The following CUL4A variants were observed in gnomAD, a reference collection of about 807,000 sequenced individuals.
The protein encoded by CUL4A is cullin 4A, also known as cullin-4A.
In CUL4A, 16 loss-of-function variants were observed where a neutral mutation model predicts 95.5. That is an observed-to-expected ratio of 0.17 (90% CI 0.11 to 0.25). The LOEUF is 0.25. CUL4A is among the 10% of genes least tolerant of loss of function. The pLI, the probability that CUL4A is intolerant of heterozygous loss-of-function variation, is 1.00. For synonymous variants in CUL4A, 380 were observed against 353.1 expected, an observed-to-expected ratio of 1.08 and a Z score of -0.85; for missense variants, 610 against 937.0, an observed-to-expected ratio of 0.65 and a Z score of 4.56.
At chr13:113,220,687 C>T (rs1489520397) in intron 3 of CUL4A, among the ~76,000 whole-genome samples, 1 of 152,184 alleles carries the variant, frequency 6.6e-6, no homozygotes, top group Non-Finnish European at 1.5e-5. Context: ...TATCTGATTA[C>T]CTGATCAAAT....
At chr13:113,233,770 TG>T (rs930711323) in intron 6 of CUL4A, 126 bp from the exon 7 acceptor site, 9 of 688,162 alleles carry the variant, frequency 1.3e-5, no homozygotes, top group Non-Finnish European at 2.3e-5. Context: ...GCCGGCCGGC[TG>T]GGTGGCCACA....
chr13:113,208,355 C>A, upstream of CUL4A: 1 of 1,432,918 alleles, frequency 7.0e-7, no homozygotes, highest in South Asian at 1.5e-5. Context: ...ACTTACACCG[C>A]GACGACTCCG....
At chr13:113,226,745 C>T (rs2041118188) in intron 3 of CUL4A, among the ~76,000 whole-genome samples, 1 of 152,224 alleles carries the variant, frequency 6.6e-6, no homozygotes, top group Admixed American at 6.5e-5. Context: ...TTGCCACAGG[C>T]TGGGCACACT....
chr13:113,208,489 A>G, upstream of CUL4A: 3 of 1,541,804 alleles, frequency 1.9e-6, no homozygotes, highest in African/African-American at 2.8e-5. Flanking sequence ...GAACGGAAGA[A>G]GGGTGGCGAG....
At chr13:113,221,503 G>A (rs540858116) in intron 3 of CUL4A, among the ~76,000 whole-genome samples, 131 of 152,296 alleles carry the variant, frequency 8.6e-4, no homozygotes, top group African/African-American at 2.9e-3. Context: ...CCCGAATGGC[G>A]GTGGCAAAAG....
rs2042372023 is a variant in CUL4A, at chr13:113,264,900, TTA to T, written c.*1320_*1321del. ...CATTTCTATCTTTGAAAATTTTCAT[TTA>T]TGAGTTCCATGATATGTGGTCTAAG... On this transcript the variant is annotated 3_prime_UTR_variant, in exon 20 of 20. Transcript: ENST00000375440. 1 of 152,272 alleles carries T rather than the reference TTA, an allele frequency of 6.6e-6. No homozygotes were observed. Among genetic ancestry groups the T allele is most frequent in the Non-Finnish European group, 1.5e-5 (1 of 68,042 alleles). 9.4% of individuals were successfully genotyped at this position (152,272 alleles called of 1,614,324 possible).
At chr13:113,252,929 G>GTTT (rs370344593) in intron 15 of CUL4A, among the ~76,000 whole-genome samples, 153 bp from the exon 16 acceptor site, 159 of 152,312 alleles carry the variant, frequency 1.0e-3, no homozygotes, top group African/African-American at 3.7e-3. Flanking sequence ...GATTGAGGAC[G>GTTT]TTTTTACAAA....
chr13:113,225,994 G>A (rs1457707328), intron 3 of CUL4A, among the ~76,000 whole-genome samples: 1 of 152,196 alleles, frequency 6.6e-6, no homozygotes, highest in African/African-American at 2.4e-5. Flanking sequence ...AGCTGTCTTA[G>A]CCAGGCCCCT....
At chr13:113,252,311 G>T (rs2042014908) in intron 15 of CUL4A, among the ~76,000 whole-genome samples, 1 of 152,142 alleles carries the variant, frequency 6.6e-6, no homozygotes. Flanking sequence ...CGAGGCAGGA[G>T]GAGCGCTTGG....
rs981912708 is a variant in CUL4A, at chr13:113,265,208, C to G, written c.*1626C>G. ...CCTCTACCACAAAATACCAGTGGGG[C>G]CAGGTAGTGACAAGTGGGTCTTTTT... On this transcript the variant is annotated 3_prime_UTR_variant, in exon 20 of 20. Coordinates refer to ENST00000375440, the MANE Select transcript of CUL4A (RefSeq NM_001008895.4). The G allele has an allele frequency of 3.1e-4, 47 of 152,168 alleles. No homozygotes were observed. The highest frequency in any genetic ancestry group is 1.1e-3 in the African/African-American group (47 of 41,436). 9.4% of individuals were successfully genotyped at this position (152,168 alleles called of 1,614,324 possible).
At chr13:113,219,337 T>C (rs1237662858) in intron 3 of CUL4A, 4 of 269,274 alleles carry the variant, frequency 1.5e-5, no homozygotes, top group Non-Finnish European at 2.8e-5. Flanking sequence ...ACCATCTGCA[T>C]TGGCTTTCTG....
At chr13:113,211,087 C>A (rs1595336568) in intron 2 of CUL4A, among the ~76,000 whole-genome samples, 2 of 152,224 alleles carry the variant, frequency 1.3e-5, no homozygotes, top group East Asian at 3.8e-4. Context: ...TAGAATATTG[C>A]TACCACCCCC....
intron 10 of CUL4A, among the ~76,000 whole-genome samples, chr13:113,240,189 C>T (rs980564502): frequency 2.0e-5 from 3 of 152,108 alleles, no homozygotes; most frequent in Non-Finnish European, 4.4e-5. Context: ...GGCACCACCC[C>T]ACCAAGGGGA....
rs771623025 is a variant in CUL4A at position 113,242,982 on chromosome 13, G to A, written c.1050G>A (p.Ala350=). The change falls in exon 11 of 20, where the codon GCG becomes GCA. Residue 350 remains alanine (A), a synonymous_variant. Coordinates refer to ENST00000375440, the MANE Select transcript of CUL4A (RefSeq NM_001008895.4). ...WSEYIKTFGT[A]IVINPEKDKD... is the part of the protein sequence containing the mutation. ...TGCTTTTGTAGACTTTTGGAACAGC[G>A]ATCGTAATCAATCCTGAGAAAGACA... 1.7e-5 allele frequency: 27 copies of A among 1,604,436 alleles called. No individual in the cohort carries two copies. Among genetic ancestry groups the A allele is most frequent in the Non-Finnish European group, 2.0e-5 (24 of 1,172,270 alleles).
At chr13:113,255,291 CTT>C (rs1197929581) in intron 18 of CUL4A, among the ~76,000 whole-genome samples, 166 bp downstream of exon 18, 1 of 152,132 alleles carries the variant, frequency 6.6e-6, no homozygotes, top group Non-Finnish European at 1.5e-5. Context: ...CTTTCATTAA[CTT>C]CACATTCTCA....
chr13:113,263,711 G>A lies in CUL4A; in HGVS notation c.*129G>A. 1 of 531,774 alleles carries A rather than the reference G, an allele frequency of 1.9e-6. No homozygotes were observed. Among genetic ancestry groups the A allele is most frequent in the Non-Finnish European group, 3.3e-6 (1 of 301,518 alleles). 32.9% of individuals were successfully genotyped at this position (531,774 alleles called of 1,614,324 possible). ...ATTGGAAGGCGAAGGAAGGGAGGTG[G>A]CTCCTGGGTCATCTTTCACAAGGCT... On this transcript the variant is annotated 3_prime_UTR_variant, in exon 20 of 20. Coordinates refer to ENST00000375440, the MANE Select transcript of CUL4A (RefSeq NM_001008895.4).
chr13:113,258,961 T>C (rs778794687), intron 18 of CUL4A, among the ~76,000 whole-genome samples: 4 of 152,238 alleles, frequency 2.6e-5, no homozygotes, highest in Admixed American at 6.5e-5. Context: ...ACTAGAGTTT[T>C]AAGCAAGACA....
intron 15 of CUL4A, among the ~76,000 whole-genome samples, chr13:113,248,135 CTAAG>C (rs200538952): frequency 0.031 from 4,697 of 152,274 alleles, 101 homozygotes; most frequent in Non-Finnish European, 0.047. Context: ...TTTGTAATCA[CTAAG>C]TAATCTGTGA....
chr13:113,223,218 C>T (rs957673884), intron 3 of CUL4A, among the ~76,000 whole-genome samples: 1 of 152,142 alleles, frequency 6.6e-6, no homozygotes, highest in African/African-American at 2.4e-5. Flanking sequence ...CTTGTTTTTG[C>T]TGGAAGAGAG....
Sources: allele counts gnomAD v4.1 joint callset (sites outside exome capture counted in the v4.1 genomes callset), GRCh38; gene constraint gnomAD v4.1.1; transcripts MANE v1.5; gene names NCBI Gene and HGNC (gene_info 2026-07-23, HGNC 2026-07-21).